OLA1: variants seen among roughly 807,000 people sequenced by gnomAD.
The protein encoded by OLA1 is Obg like ATPase 1, also known as obg-like ATPase 1.
In OLA1, 14 loss-of-function variants were observed where a neutral mutation model predicts 48.4. That is an observed-to-expected ratio of 0.29 (90% CI 0.19 to 0.45). OLA1 has a LOEUF of 0.45. Ranked by LOEUF, OLA1 falls within the 20% of genes least tolerant of loss-of-function variation. The pLI, the probability that OLA1 is intolerant of heterozygous loss-of-function variation, is 1.00. For missense variants in OLA1, 325 were observed against 467.1 expected (o/e 0.70, Z 2.80); for synonymous variants, 127 against 150.4 (o/e 0.84, Z 1.14).
At chr2:174,095,325 GTTTTTTTTTTTTTT>G (rs1205716344) in intron 7 of OLA1, among the ~76,000 whole-genome samples, 2 of 78,010 alleles carry the variant, frequency 2.6e-5, no homozygotes, top group Non-Finnish European at 5.0e-5. Context: ...GTTATTTCCT[GTTTTTTTTTTTTTT>G]TTTTTTTTTT....
intron 2 of OLA1, among the ~76,000 whole-genome samples, chr2:174,231,763 T>TA (rs777757908): frequency 3.6e-4 from 54 of 152,008 alleles, no homozygotes; most frequent in Non-Finnish European, 4.6e-4. Flanking sequence ...TTTGCAGGTA[T>TA]AAAAAAAGTA....
At chr2:174,144,937 A>ATATATATAT (rs1686545686) in intron 4 of OLA1, among the ~76,000 whole-genome samples, 1 of 52,386 alleles carries the variant, frequency 1.9e-5, no homozygotes, top group South Asian at 9.5e-4. Flanking sequence ...GTTTAAAAAA[A>ATATATATAT]AAAAAAAAAA....
chr2:174,244,785 C>T (rs768577570), intron 2 of OLA1, among the ~76,000 whole-genome samples: 10 of 151,950 alleles, frequency 6.6e-5, no homozygotes, highest in African/African-American at 1.5e-4. Flanking sequence ...CCACCATGTC[C>T]GGCTAATTTT....
At chr2:174,185,239 A>T (rs955271371) in intron 4 of OLA1, among the ~76,000 whole-genome samples, 28 of 152,216 alleles carry the variant, frequency 1.8e-4, no homozygotes, top group African/African-American at 6.8e-4. Flanking sequence ...ATCCAGTCCA[A>T]AAAGTATCAC....
At chr2:174,241,562 C>T (rs1689003945) in intron 2 of OLA1, among the ~76,000 whole-genome samples, 1 of 152,206 alleles carries the variant, frequency 6.6e-6, no homozygotes, top group Non-Finnish European at 1.5e-5. Flanking sequence ...TCTCCTGGGG[C>T]AGTTTGTGAG....
Position 174,229,349 on chromosome 2 carries a change from A to C in OLA1, c.204T>G (p.Asp68Glu). Residue 68 changes from aspartate to glutamate, a missense_variant, in exon 3 of 11, where the codon GAT (aspartate) becomes GAG (glutamate). Transcript: ENST00000284719. The part of the protein sequence containing the change: ...DPNESRVPVP[D>E]ERFDFLCQYH... ...ATTGACAAAGAAAGTCAAACCTTTC[A>C]TCTGGCACAGGTACTCTGCTCTCAT... 6.2e-7 allele frequency: 1 copy of C among 1,612,822 alleles called. No individual in the cohort carries two copies. Among genetic ancestry groups the C allele is most frequent in the Non-Finnish European group, 8.5e-7 (1 of 1,179,938 alleles).
intron 3 of OLA1, among the ~76,000 whole-genome samples, chr2:174,224,575 G>A (rs1688576025): frequency 6.6e-6 from 1 of 152,072 alleles, no homozygotes; most frequent in African/African-American, 2.4e-5. Context: ...AGGAGTTCAA[G>A]TTCAGCCTGG....
At chr2:174,124,623 T>G (rs1412250748) in intron 5 of OLA1, among the ~76,000 whole-genome samples, 7 of 152,156 alleles carry the variant, frequency 4.6e-5, no homozygotes. Context: ...CCAGAAGAAG[T>G]GCATTTGAGA....
intron 4 of OLA1, among the ~76,000 whole-genome samples, chr2:174,206,388 C>T (rs116454469): frequency 1.3e-5 from 2 of 150,746 alleles, no homozygotes; most frequent in African/African-American, 2.4e-5. Flanking sequence ...AACAAACAAA[C>T]AAAAAAAAAC....
intron 4 of OLA1, among the ~76,000 whole-genome samples, chr2:174,180,244 A>AT (rs1301894472): frequency 1.3e-5 from 2 of 152,170 alleles, no homozygotes; most frequent in Admixed American, 1.3e-4. Context: ...AACTATTAAT[A>AT]TTTTACCTTC....
intron 7 of OLA1, among the ~76,000 whole-genome samples, chr2:174,093,443 T>C (rs1685172203): frequency 6.7e-6 from 1 of 150,194 alleles, no homozygotes. Context: ...CACTACAGCC[T>C]GGGTGACAGA....
At chr2:174,207,674 C>A (rs1352971626) in intron 4 of OLA1, among the ~76,000 whole-genome samples, 2 of 152,082 alleles carry the variant, frequency 1.3e-5, no homozygotes, top group Admixed American at 6.6e-5. Flanking sequence ...AGAGTGACAT[C>A]AAAACCAGTA....
At chr2:174,214,194 G>C (rs753786764) in intron 4 of OLA1, among the ~76,000 whole-genome samples, 1 of 151,966 alleles carries the variant, frequency 6.6e-6, no homozygotes, top group African/African-American at 2.4e-5. Context: ...TTGGCCAGGC[G>C]TGGTGGTGCA....
rs1027522787 is a variant in OLA1 at position 174,213,652 on chromosome 2, G to A, written c.373+9381C>T. The stretch of plus-strand genomic sequence containing the variant: ...AAAGTTAGTGGTTTTTCCAAATAAC[G>A]CACCCTGCTTTCAGATAAGTTACTG... On this transcript the variant is annotated intron_variant, in intron 4 of 10. Coordinates refer to ENST00000284719, the MANE Select transcript of OLA1 (RefSeq NM_013341.5). Among the ~76,000 whole-genome samples the A allele has an allele frequency of 5.3e-5, 8 of 152,022 alleles. No individual in the cohort carries two copies. The South Asian group carries it at 6.2e-4, about 12-fold the overall frequency.
intron 4 of OLA1, among the ~76,000 whole-genome samples, chr2:174,150,952 C>A (rs576037315): frequency 1.3e-5 from 2 of 152,158 alleles, no homozygotes; most frequent in African/African-American, 4.8e-5. Flanking sequence ...TGACAAGCAA[C>A]AGGAGAAAGC....
intron 4 of OLA1, among the ~76,000 whole-genome samples, chr2:174,211,201 ACACACT>A (rs991020025): frequency 1.1e-4 from 17 of 151,044 alleles, no homozygotes; most frequent in African/African-American, 1.5e-4. Context: ...ACACACACAC[ACACACT>A]CTCTCTCTCT....
chr2:174,213,006 A>G (rs1688278065), intron 4 of OLA1, among the ~76,000 whole-genome samples: 1 of 152,222 alleles, frequency 6.6e-6, no homozygotes, highest in African/African-American at 2.4e-5. Flanking sequence ...TTCAAAATAA[A>G]TCCACAGGCA....
intron 7 of OLA1, among the ~76,000 whole-genome samples, chr2:174,085,882 C>T (rs771918522): frequency 2.3e-4 from 35 of 152,154 alleles, no homozygotes; most frequent in South Asian, 6.2e-4. Context: ...TTTCAGACTG[C>T]TTTGACTTAT....
In OLA1 at chr2:174,122,853, T is replaced by G. The variant is rs889177179; in HGVS notation, c.728+327A>C. Among the ~76,000 whole-genome samples, 5 of 152,102 alleles carry G rather than the reference T, an allele frequency of 3.3e-5. No homozygotes were observed. The South Asian group carries it at 1.0e-3, about 32-fold the overall frequency. On this transcript the variant is annotated intron_variant, in intron 7 of 10. Coordinates refer to ENST00000284719, the MANE Select transcript of OLA1 (RefSeq NM_013341.5). ...TATCAACACAGCTAGAAATTCCTAG[T>G]GTAAGAAGTTTTATTGTTGTGACTA... is the stretch of plus-strand genomic sequence containing the variant.
Sources: allele counts gnomAD v4.1 joint callset (sites outside exome capture counted in the v4.1 genomes callset), GRCh38; gene constraint gnomAD v4.1.1; transcripts MANE v1.5; gene names NCBI Gene and HGNC (gene_info 2026-07-23, HGNC 2026-07-21).